Variants in ADAMTSL1 observed in about 807,000 individuals in gnomAD.
The protein encoded by ADAMTSL1 is ADAMTS-like protein 1.
A neutral mutation model predicts 201.8 loss-of-function variants in ADAMTSL1; 126 were observed. The ratio of observed to expected loss-of-function variants is 0.62; its 90% confidence interval spans 0.54 to 0.72. The LOEUF (loss-of-function observed/expected upper bound fraction) is 0.72, where lower values mean the gene tolerates loss of function less well. Ranked by LOEUF, ADAMTSL1 falls within the 30% of genes least tolerant of loss-of-function variation. The pLI is 0.00. For missense variants in ADAMTSL1, 2,679 were observed against 2,277.8 expected (o/e 1.18, Z -3.59); for synonymous variants, 1,121 against 903.4 (o/e 1.24, Z -4.32).
At chr9:18,822,262 G>C (rs150770352) in intron 21 of ADAMTSL1, among the ~76,000 whole-genome samples, 2 of 152,142 alleles carry the variant, frequency 1.3e-5, no homozygotes, top group African/African-American at 4.8e-5. Context: ...GGCTAGAAAA[G>C]ATCATCTCCC....
chr9:18,822,428 G>A (rs1824265991), intron 21 of ADAMTSL1, among the ~76,000 whole-genome samples: 2 of 152,178 alleles, frequency 1.3e-5, no homozygotes. Flanking sequence ...TTCAGAAATA[G>A]TAAAGCAGCA....
At chr9:18,485,563 A>T (rs918212737) in intron 1 of ADAMTSL1, among the ~76,000 whole-genome samples, 1 of 152,194 alleles carries the variant, frequency 6.6e-6, no homozygotes, top group African/African-American at 2.4e-5. Flanking sequence ...AATGGGAGGG[A>T]TGCTGGCATT....
At chr9:18,681,780 C>G in intron 11 of ADAMTSL1, 32 bp from the exon 12 acceptor site, 1 of 1,519,086 alleles carries the variant, frequency 6.6e-7, no homozygotes, top group Non-Finnish European at 8.9e-7. Context: ...GCTTTGCCTA[C>G]GAGTCTCCTC....
At chr9:18,214,184 T>C (rs1563812333) in intron 2 of ADAMTSL1, among the ~76,000 whole-genome samples, 1 of 152,226 alleles carries the variant, frequency 6.6e-6, no homozygotes, top group Non-Finnish European at 1.5e-5. Flanking sequence ...GCAGTATTCC[T>C]CTTTTCTCTC....
At chr9:18,112,844 T>A (rs986628364) in intron 1 of ADAMTSL1, among the ~76,000 whole-genome samples, 11 of 152,168 alleles carry the variant, frequency 7.2e-5, no homozygotes, top group Non-Finnish European at 1.3e-4. Flanking sequence ...CTCTGGCATA[T>A]AAGAGCTTAA....
rs572412891 is a variant in ADAMTSL1, at chr9:17,956,696, T to C, written c.87+49774T>C. Among the ~76,000 whole-genome samples the C allele has an allele frequency of 1.7e-3, 254 of 152,292 alleles. 1 individual carries two copies. The highest frequency in any genetic ancestry group is 3.7e-3 in the Admixed American group (57 of 15,276). On this transcript the variant is annotated intron_variant, in intron 1 of 29. Coordinates refer to the ADAMTSL1 transcript ENST00000680146. Reference sequence around the variant, plus strand: ...ACATTTTATTGATCATGCAAGTCACTAAGGCCAGCTTAGGTTCAAGCAATT... The same window carrying C: ...ACATTTTATTGATCATGCAAGTCACCAAGGCCAGCTTAGGTTCAAGCAATT...
In ADAMTSL1 at chr9:18,344,834, C is replaced by A. The variant is rs372062714; in HGVS notation, c.208-159995C>A. Among the ~76,000 whole-genome samples, 59 of 152,258 alleles carry A rather than the reference C, an allele frequency of 3.9e-4. No homozygotes were observed. In the East Asian group the frequency reaches 6.2e-3, roughly 16 times the overall value. The stretch of plus-strand genomic sequence containing the variant: ...CATGCTTGAAAACTAACATTCAAGA[C>A]TTGATTTGAGTTCAGAACCCATGGG... On this transcript the variant is annotated intron_variant, in intron 2 of 29. Transcript: ENST00000680146.
In ADAMTSL1 at chr9:18,583,650, C is replaced by A. The variant is rs181241917; in HGVS notation, c.474+9384C>A. ...TGTGTGCCTGGATAAGCTGCAGTCACTCAACACCAGCCAGTAAAAGCAGCC... is the reference window on the plus strand; with the variant it reads ...TGTGTGCCTGGATAAGCTGCAGTCAATCAACACCAGCCAGTAAAAGCAGCC... On this transcript the variant is annotated intron_variant, in intron 4 of 28. Transcript: ENST00000380548. Among the ~76,000 whole-genome samples the A allele has an allele frequency of 6.1e-3, 922 of 152,274 alleles. 6 individuals carry two copies. The highest frequency in any genetic ancestry group is 0.021 in the African/African-American group (887 of 41,566).
intron 23 of ADAMTSL1, among the ~76,000 whole-genome samples, chr9:18,855,800 G>A (rs940606802): frequency 2.6e-5 from 4 of 152,048 alleles, no homozygotes; most frequent in Admixed American, 6.6e-5. Context: ...TTCATTCAAC[G>A]CCCTGTCTAG....
intron 2 of ADAMTSL1, among the ~76,000 whole-genome samples, chr9:18,410,390 A>C (rs867803743): frequency 4.6e-5 from 7 of 152,004 alleles, no homozygotes; most frequent in Admixed American, 3.9e-4. Context: ...ACAGCCCCCA[A>C]CAGGTGCCCA....
At position 18,887,930 on chromosome 9, in the gene ADAMTSL1, C is replaced by G. The variant is rs1829005778; in HGVS notation, c.4349C>G (p.Ala1450Gly). The stretch of plus-strand genomic sequence containing the variant: ...GGACTGACGCATCACATCTTGGCAG[C>G]TGGACAGATCCTTCAAGTTGCAAAC... ...ATGLTHHILA[A>G]GQILQVANLS... Residue 1450 changes from alanine to glycine, a missense_variant, in exon 24 of 29, where the codon GCT becomes GGT. Transcript: ENST00000380548. The G allele has an allele frequency of 1.2e-6, 2 of 1,614,008 alleles. No individual in the cohort carries two copies. Among genetic ancestry groups the G allele is most frequent in the South Asian group, 1.1e-5 (1 of 91,078 alleles).
At chr9:18,128,595 G>T (rs542716583) in intron 1 of ADAMTSL1, among the ~76,000 whole-genome samples, 3 of 152,176 alleles carry the variant, frequency 2.0e-5, no homozygotes, top group African/African-American at 7.2e-5. Flanking sequence ...ATAGGTGTGA[G>T]CCACAGTGCC....
intron 23 of ADAMTSL1, among the ~76,000 whole-genome samples, chr9:18,868,408 G>C (rs959121250): frequency 6.6e-6 from 1 of 152,076 alleles, no homozygotes; most frequent in Non-Finnish European, 1.5e-5. Context: ...CAAATGTCTA[G>C]GTTTTGTTGT....
chr9:18,076,902 T>C lies in ADAMTSL1; in HGVS notation c.88-86960T>C, dbSNP rs567150682. On this transcript the variant is annotated intron_variant, in intron 1 of 29. Coordinates refer to the ADAMTSL1 transcript ENST00000680146. The stretch of plus-strand genomic sequence containing the variant: ...CTTTTGCATTAGTTTAGGTGAACCA[T>C]ACAAGGTAGTAGAGATGACAAGAAA... Among the ~76,000 whole-genome samples, 6 of 152,260 alleles carry C rather than the reference T, an allele frequency of 3.9e-5. No individual in the cohort carries two copies. The East Asian group carries it at 7.7e-4, about 20-fold the overall frequency.
chr9:18,582,588 C>T (rs148319954), intron 4 of ADAMTSL1, among the ~76,000 whole-genome samples: 2,367 of 152,138 alleles, frequency 0.016, 31 homozygotes, highest in Middle Eastern at 0.037. Flanking sequence ...GTGGCTCACA[C>T]CTGTAATCCC....
At chr9:17,984,593 G>T (rs1454556183) in intron 1 of ADAMTSL1, among the ~76,000 whole-genome samples, 1 of 151,976 alleles carries the variant, frequency 6.6e-6, no homozygotes, top group African/African-American at 2.4e-5. Context: ...TTTACATTTA[G>T]TTACTTGTGT....
chr9:18,274,397 C>A (rs892719521), intron 2 of ADAMTSL1, among the ~76,000 whole-genome samples: 6 of 152,066 alleles, frequency 3.9e-5, no homozygotes, highest in African/African-American at 9.7e-5. Flanking sequence ...GCTAATATTT[C>A]TTTCCCCCAA....
chr9:18,645,277 T>G (rs555369328), intron 7 of ADAMTSL1, among the ~76,000 whole-genome samples: 210 of 152,330 alleles, frequency 1.4e-3, no homozygotes, highest in African/African-American at 4.6e-3. Context: ...CATTGTAGAT[T>G]CTGGATATTA....
intron 2 of ADAMTSL1, among the ~76,000 whole-genome samples, chr9:18,390,812 A>C (rs556505483): frequency 1.4e-4 from 21 of 152,290 alleles, no homozygotes; most frequent in South Asian, 4.1e-4. Flanking sequence ...CAAAACAAAA[A>C]AAAACACCAC....
Sources: allele counts gnomAD v4.1 joint callset (sites outside exome capture counted in the v4.1 genomes callset), GRCh38; gene constraint gnomAD v4.1.1; transcripts MANE v1.5; gene names NCBI Gene and HGNC (gene_info 2026-07-23, HGNC 2026-07-21).